Variants in NALF1 observed in about 807,000 individuals in gnomAD.
The protein encoded by NALF1 is family with sequence similarity 155 member A.
In NALF1, 3 loss-of-function variants were observed where a neutral mutation model predicts 48.4. The observed-to-expected ratio is 0.06, with a 90% confidence interval of 0.03 to 0.16. The LOEUF (loss-of-function observed/expected upper bound fraction) is 0.16. Ranked by LOEUF, NALF1 falls within the 10% of genes least tolerant of loss-of-function variation. The probability of loss-of-function intolerance (pLI) is 1.00; values close to 1 mark genes in which losing one functional copy is unlikely to be tolerated. For missense variants in NALF1, 526 were observed against 571.5 expected, an observed-to-expected ratio of 0.92 and a Z score of 0.81; for synonymous variants, 262 against 245.7, an observed-to-expected ratio of 1.07 and a Z score of -0.62.
chr13:107,565,705 T>C (rs142748650), intron 1 of NALF1, among the ~76,000 whole-genome samples: 2 of 152,306 alleles, frequency 1.3e-5, no homozygotes, highest in East Asian at 3.9e-4. Flanking sequence ...TGTGTGTACA[T>C]ACATGTGTGT....
chr13:107,417,483 C>T (rs1884110014), intron 1 of NALF1, among the ~76,000 whole-genome samples: 1 of 151,938 alleles, frequency 6.6e-6, no homozygotes, highest in Admixed American at 6.6e-5. Flanking sequence ...TATCAAAATT[C>T]CTCTGATATT....
intron 1 of NALF1, among the ~76,000 whole-genome samples, chr13:107,527,553 A>C (rs571561879): frequency 6.6e-6 from 1 of 152,240 alleles, no homozygotes; most frequent in South Asian, 2.1e-4. Flanking sequence ...GCCTCAATTT[A>C]AAATGCTCTG....
In NALF1 at chr13:107,168,111, G is replaced by C. The variant is rs1297012396; in HGVS notation, c.*2386C>G. 1 of 152,344 alleles carries C rather than the reference G, an allele frequency of 6.6e-6. No individual in the cohort carries two copies. The highest frequency in any genetic ancestry group is 1.5e-5 in the Non-Finnish European group (1 of 68,056). 9.4% of individuals were successfully genotyped at this position (152,344 alleles called of 1,614,324 possible). ...CAGCATGAGGAACGCTGAAGAGATG[G>C]TGAGATGGCACATGGAGTGGCCTTA... On this transcript the variant is annotated 3_prime_UTR_variant, in exon 3 of 3. Transcript: ENST00000375915.
chr13:107,566,482 C>T (rs555289648), intron 1 of NALF1, among the ~76,000 whole-genome samples: 12 of 152,110 alleles, frequency 7.9e-5, no homozygotes, highest in Non-Finnish European at 1.5e-4. Flanking sequence ...CTAGGTCCAT[C>T]GGCTGGATAC....
At chr13:107,199,498 C>T (rs566720245) in intron 2 of NALF1, among the ~76,000 whole-genome samples, 3 of 152,196 alleles carry the variant, frequency 2.0e-5, no homozygotes, top group East Asian at 1.9e-4. Context: ...TTTCCATATA[C>T]GGTCACATTC....
intron 1 of NALF1, among the ~76,000 whole-genome samples, chr13:107,789,281 C>G (rs1878162793): frequency 1.3e-5 from 2 of 152,270 alleles, no homozygotes; most frequent in South Asian, 4.1e-4. Flanking sequence ...GATCTCTACT[C>G]CACAGTTTAA....
chr13:107,204,439 G>GA (rs975108869), intron 2 of NALF1, among the ~76,000 whole-genome samples: 7 of 151,990 alleles, frequency 4.6e-5, no homozygotes, highest in African/African-American at 1.5e-4. Context: ...TACAGTGGGG[G>GA]CGATTTTCCA....
intron 1 of NALF1, among the ~76,000 whole-genome samples, chr13:107,855,016 T>C (rs1880408906): frequency 1.3e-5 from 2 of 152,236 alleles, no homozygotes; most frequent in South Asian, 4.1e-4. Context: ...CTTTTCTACC[T>C]GCTCAGCATC....
chr13:107,466,977 C>T (rs1594078051), intron 1 of NALF1, among the ~76,000 whole-genome samples: 1 of 152,098 alleles, frequency 6.6e-6, no homozygotes, highest in South Asian at 2.1e-4. Context: ...TTTATTCTGG[C>T]TTTTTCATTT....
chr13:107,430,890 G>A (rs1043929540), intron 1 of NALF1, among the ~76,000 whole-genome samples: 1 of 152,086 alleles, frequency 6.6e-6, no homozygotes, highest in Non-Finnish European at 1.5e-5. Context: ...CTTCCACAAC[G>A]GTTGAACTAG....
At chr13:107,569,452 AC>A (rs1877919610) in intron 1 of NALF1, among the ~76,000 whole-genome samples, 4 of 151,900 alleles carry the variant, frequency 2.6e-5, no homozygotes, top group Non-Finnish European at 5.9e-5. Flanking sequence ...AGCCTGGGCG[AC>A]ACAGCGAGAC....
At chr13:107,467,046 A>G (rs1700926534) in intron 1 of NALF1, among the ~76,000 whole-genome samples, 1 of 152,164 alleles carries the variant, frequency 6.6e-6, no homozygotes, top group Non-Finnish European at 1.5e-5. Context: ...TTTCTTAAAG[A>G]TTTTACTTCC....
chr13:107,722,265 T>G (rs1002942520), intron 1 of NALF1, among the ~76,000 whole-genome samples: 3 of 152,130 alleles, frequency 2.0e-5, no homozygotes, highest in African/African-American at 7.2e-5. Flanking sequence ...CTCCCTTCTT[T>G]AAGGGAGAAA....
At chr13:107,222,189 C>T (rs555845000) in intron 1 of NALF1, among the ~76,000 whole-genome samples, 17 of 152,158 alleles carry the variant, frequency 1.1e-4, no homozygotes, top group African/African-American at 2.4e-4. Context: ...TAGAAGTAAC[C>T]GCCGCCTCCA....
At chr13:107,812,326 A>G (rs953630329) in intron 1 of NALF1, among the ~76,000 whole-genome samples, 2 of 152,120 alleles carry the variant, frequency 1.3e-5, no homozygotes, top group African/African-American at 4.8e-5. Context: ...TTATTATAAT[A>G]GTATTTGTTA....
chr13:107,279,761 C>T (rs1436760795), intron 1 of NALF1, among the ~76,000 whole-genome samples: 2 of 152,136 alleles, frequency 1.3e-5, no homozygotes, highest in Non-Finnish European at 2.9e-5. Context: ...TTATCTCTTT[C>T]TCCTTTTCTA....
intron 1 of NALF1, among the ~76,000 whole-genome samples, chr13:107,635,717 T>G (rs1391469059): frequency 2.0e-5 from 3 of 152,178 alleles, no homozygotes; most frequent in African/African-American, 7.2e-5. Flanking sequence ...AACATAGCCA[T>G]GCATGGACGA....
intron 1 of NALF1, among the ~76,000 whole-genome samples, chr13:107,273,241 A>G (rs1881211944): frequency 6.6e-6 from 1 of 152,202 alleles, no homozygotes; most frequent in African/African-American, 2.4e-5. Flanking sequence ...GTCCATACCA[A>G]TAGGTCATAA....
At chr13:107,644,657 A>ATATATATATAATG in intron 1 of NALF1, among the ~76,000 whole-genome samples, 1 of 137,798 alleles carries the variant, frequency 7.3e-6, no homozygotes, top group East Asian at 2.3e-4. Flanking sequence ...ATATATATAT[A>ATATATATATAATG]TATATATATG....
Sources: gnomAD v4.1 joint callset for allele counts (sites outside exome capture counted in the v4.1 genomes callset) on GRCh38, gnomAD v4.1.1 for gene constraint, MANE v1.5 for transcripts, NCBI Gene and HGNC (gene_info 2026-07-23, HGNC 2026-07-21) for gene names.